FER: variants seen among roughly 807,000 people sequenced by gnomAD.
The protein encoded by FER is tyrosine-protein kinase Fer.
In FER, 63 loss-of-function variants were observed where a neutral mutation model predicts 111.0. The ratio of observed to expected loss-of-function variants is 0.57; its 90% CI spans 0.46 to 0.70. FER has a LOEUF of 0.70. FER is among the 30% of genes least tolerant of loss of function. The pLI, the probability that FER is intolerant of heterozygous loss-of-function variation, is 0.00. For synonymous variants in FER, 327 were observed against 313.9 expected (o/e 1.04, Z -0.44); for missense variants, 914 against 954.0 (o/e 0.96, Z 0.55).
intron 2 of FER, among the ~76,000 whole-genome samples, chr5:108,795,178 A>G (rs1285125238): frequency 6.6e-6 from 1 of 152,178 alleles, no homozygotes; most frequent in East Asian, 1.9e-4. Context: ...TTTTAAAATT[A>G]GCTGGGCATG....
intron 13 of FER, among the ~76,000 whole-genome samples, chr5:109,005,512 A>G (rs1765382946): frequency 6.6e-6 from 1 of 152,168 alleles, no homozygotes; most frequent in Non-Finnish European, 1.5e-5. Context: ...CTATTTGTGG[A>G]AGATTCCAAC....
At chr5:109,082,908 G>A (rs1777155278) in intron 16 of FER, among the ~76,000 whole-genome samples, 1 of 151,842 alleles carries the variant, frequency 6.6e-6, no homozygotes, top group African/African-American at 2.4e-5. Flanking sequence ...CCTATCAAAA[G>A]AACCCCCTTT....
chr5:109,008,080 G>A (rs150878847), intron 13 of FER, among the ~76,000 whole-genome samples: 1 of 152,014 alleles, frequency 6.6e-6, no homozygotes, highest in African/African-American at 2.4e-5. Context: ...TGTCTTCTTT[G>A]TGGGCACTTT....
At position 108,897,563 on chromosome 5, in the gene FER, A is replaced by G. The variant is rs536958936; in HGVS notation, c.1047-96A>G. On this transcript the variant is annotated intron_variant, in intron 9 of 19. Transcript: ENST00000281092. ...TTTTATGATTCTAAAGGGCTCTTATAAAAATGAAATCAAAGAAAAGCATAA... is the reference window on the plus strand; with the variant it reads ...TTTTATGATTCTAAAGGGCTCTTATGAAAATGAAATCAAAGAAAAGCATAA... 47 of 919,152 alleles carry G rather than the reference A, an allele frequency of 5.1e-5. No individual in the cohort carries two copies. The East Asian group carries it at 1.5e-3, about 28-fold the overall frequency. 56.9% of individuals were successfully genotyped at this position (919,152 alleles called of 1,614,324 possible). A position where few individuals can be genotyped will look rare whatever the true frequency, so the allele number is the denominator to read the frequency against.
chr5:109,025,100 T>C (rs538597928), intron 13 of FER, among the ~76,000 whole-genome samples: 3,726 of 152,090 alleles, frequency 0.024, 141 homozygotes, highest in African/African-American at 0.086. Flanking sequence ...CTTGGCGATG[T>C]GGGCTCTGTT....
intron 1 of FER, among the ~76,000 whole-genome samples, chr5:108,750,268 TAA>T (rs34250438): frequency 1.4e-3 from 203 of 147,528 alleles, no homozygotes; most frequent in African/African-American, 4.5e-3. Flanking sequence ...GAGAATAGGA[TAA>T]AAAAAAAAAA....
intron 14 of FER, among the ~76,000 whole-genome samples, chr5:109,039,100 T>C (rs779713138): frequency 1.9e-4 from 29 of 152,058 alleles, no homozygotes; most frequent in Admixed American, 6.6e-4. Flanking sequence ...AAATAATCAT[T>C]TACAGTATAC....
At chr5:109,168,168 C>G (rs185904400) in intron 17 of FER, among the ~76,000 whole-genome samples, 1 of 152,282 alleles carries the variant, frequency 6.6e-6, no homozygotes, top group East Asian at 1.9e-4. Flanking sequence ...CTAGTAATGT[C>G]CCGGTATCTT....
chr5:108,882,495 G>A (rs1485682508), intron 8 of FER, among the ~76,000 whole-genome samples: 1 of 151,314 alleles, frequency 6.6e-6, no homozygotes, highest in African/African-American at 2.4e-5. Flanking sequence ...TTTTTTCATG[G>A]TGAACTTCCA....
chr5:108,962,404 A>G (rs1759264715), intron 13 of FER, among the ~76,000 whole-genome samples: 3 of 152,232 alleles, frequency 2.0e-5, no homozygotes, highest in African/African-American at 7.2e-5. Flanking sequence ...ACTACCATGT[A>G]TAAAATAACA....
intron 2 of FER, among the ~76,000 whole-genome samples, chr5:108,786,201 C>G (rs552037313): frequency 3.4e-4 from 52 of 152,216 alleles, no homozygotes; most frequent in Non-Finnish European, 7.1e-4. Context: ...TCATAGAGTT[C>G]TGGAAAATTG....
chr5:109,120,127 T>G (rs1179449771), intron 17 of FER, among the ~76,000 whole-genome samples: 4 of 152,178 alleles, frequency 2.6e-5, no homozygotes, highest in South Asian at 2.1e-4. Context: ...TTGATCACAT[T>G]TGTCCATGTT....
chr5:108,859,358 C>T (rs1161703409), intron 5 of FER, among the ~76,000 whole-genome samples: 1 of 152,076 alleles, frequency 6.6e-6, no homozygotes, highest in African/African-American at 2.4e-5. Flanking sequence ...CCTGCCTCAC[C>T]CCCCAACACC....
chr5:108,841,878 T>G (rs766572450), intron 5 of FER: 13 of 399,984 alleles, frequency 3.3e-5, no homozygotes, highest in Middle Eastern at 3.5e-4. Context: ...TGTAAGTACC[T>G]GGGATTTGTA....
intron 2 of FER, among the ~76,000 whole-genome samples, chr5:108,774,702 G>A (rs1167204987): frequency 2.0e-5 from 3 of 151,530 alleles, no homozygotes; most frequent in Non-Finnish European, 4.4e-5. Context: ...CTTTTTTTGA[G>A]ATGTGTCTGT....
chr5:109,109,402 C>G (rs1447666015), intron 17 of FER, among the ~76,000 whole-genome samples: 2 of 152,150 alleles, frequency 1.3e-5, no homozygotes, highest in Non-Finnish European at 2.9e-5. Context: ...CCAACTCCCC[C>G]TCAAGTTCCA....
intron 2 of FER, among the ~76,000 whole-genome samples, chr5:108,788,021 C>T (rs2081129): frequency 0.44 from 66,354 of 152,074 alleles, 16,548 homozygotes; most frequent in African/African-American, 0.69. Context: ...AGTCACTACG[C>T]TGCGTGCAAC....
intron 16 of FER, among the ~76,000 whole-genome samples, chr5:109,059,723 G>A (rs936352485): frequency 3.3e-5 from 5 of 152,138 alleles, no homozygotes; most frequent in Admixed American, 1.3e-4. Context: ...ACATTCATAC[G>A]TTACTGGTAG....
chr5:109,179,250 G>A (rs747190239), intron 17 of FER, among the ~76,000 whole-genome samples: 8 of 152,290 alleles, frequency 5.3e-5, no homozygotes, highest in Admixed American at 2.6e-4. Context: ...CCTTTGACTA[G>A]AAGTGGTGAA....
Sources: gnomAD v4.1 joint callset for allele counts (sites outside exome capture counted in the v4.1 genomes callset) on GRCh38, gnomAD v4.1.1 for gene constraint, MANE v1.5 for transcripts, NCBI Gene and HGNC (gene_info 2026-07-23, HGNC 2026-07-21) for gene names.